Variants in COPA observed in about 807,000 individuals in gnomAD.
The protein encoded by COPA is coat protein complex I subunit alpha.
A neutral mutation model predicts 158.7 loss-of-function variants in COPA; 10 were observed. That is an observed-to-expected ratio of 0.06 (90% confidence interval 0.04 to 0.11). The LOEUF (loss-of-function observed/expected upper bound fraction) is 0.11. COPA is among the 10% of genes least tolerant of loss of function. The pLI, the probability that COPA is intolerant of heterozygous loss-of-function variation, is 1.00. For synonymous variants in COPA, 462 were observed against 542.8 expected, an observed-to-expected ratio of 0.85 and a Z score of 2.07; for missense variants, 1,065 against 1,536.7, an observed-to-expected ratio of 0.69 and a Z score of 5.13.
At chr1:160,305,982 CCT>C (rs1658773866) in intron 15 of COPA, 6 of 597,270 alleles carry the variant, frequency 1.0e-5, no homozygotes, top group Middle Eastern at 4.5e-4. Context: ...TCCTCAACCC[CCT>C]CTCCCTCATT....
At position 160,296,180 on chromosome 1, in the gene COPA, T is replaced by C; in HGVS notation, c.2264-31A>G. ...GAGAAAACAGACTTTGTGGTATAGG[T>C]ACATTTCCAAATGCATGCTGCTGTG... On this transcript the variant is annotated intron_variant, in intron 21 of 32. Transcript: ENST00000241704. 3 of 1,592,560 alleles carry C rather than the reference T, an allele frequency of 1.9e-6. 1 individual carries two copies. The South Asian group carries it at 3.3e-5, about 18-fold the overall frequency.
intron 8 of COPA, among the ~76,000 whole-genome samples, chr1:160,323,141 T>C (rs1052160384): frequency 6.6e-6 from 1 of 151,978 alleles, no homozygotes; most frequent in Non-Finnish European, 1.5e-5. Context: ...CTCACTCACA[T>C]GTGGAAGCTA....
At chr1:160,322,988 T>C (rs1394187407) in intron 8 of COPA, among the ~76,000 whole-genome samples, 1 of 132,866 alleles carries the variant, frequency 7.5e-6, no homozygotes, top group Non-Finnish European at 1.5e-5. Flanking sequence ...TACGCGCACG[T>C]GCACACACAC....
chr1:160,290,605 T>C lies in COPA; in HGVS notation c.3502A>G (p.Ile1168Val), dbSNP rs761622581. 2 of 1,614,130 alleles carry C rather than the reference T, an allele frequency of 1.2e-6. No individual in the cohort carries two copies. The highest frequency in any genetic ancestry group is 2.2e-5 in the East Asian group (1 of 44,892). ...LNYDMHNPFD[I>V]CAASYRPIYR... is the part of the protein sequence containing the mutation. ...ATGGGCCGATATGATGCAGCACAAA[T>C]GTCAAAGGGGTTGTGCATGTCATAA... Residue 1168 changes from isoleucine to valine, a missense_variant, in exon 32 of 33, where the codon ATT (isoleucine) becomes GTT (valine). By Grantham distance (29) the Ile-to-Val change is conservative. Coordinates refer to ENST00000241704, the MANE Select transcript of COPA (RefSeq NM_004371.4).
chr1:160,327,585 C>CG (rs1430296285), intron 6 of COPA, among the ~76,000 whole-genome samples: 2 of 151,234 alleles, frequency 1.3e-5, no homozygotes. Flanking sequence ...AGGCTGGGCA[C>CG]GGTGGCTCAC....
intron 17 of COPA, among the ~76,000 whole-genome samples, chr1:160,303,831 GAT>G (rs1379390518): frequency 6.6e-6 from 1 of 152,080 alleles, no homozygotes; most frequent in Non-Finnish European, 1.5e-5. Context: ...ATATAAAATA[GAT>G]TAAAGATTTG....
intron 1 of COPA, among the ~76,000 whole-genome samples, chr1:160,342,294 G>A (rs1314417257): frequency 1.3e-5 from 2 of 152,066 alleles, no homozygotes; most frequent in African/African-American, 2.4e-5. Context: ...ACTTTGTTAC[G>A]CTGCATCTCA....
intron 11 of COPA, 24 bp from the exon 12 acceptor site, chr1:160,310,282 A>G: frequency 1.3e-6 from 2 of 1,484,198 alleles, no homozygotes; most frequent in Non-Finnish European, 1.9e-6. Context: ...TAGAAAAAGG[A>G]GAAAACAGGG....
rs567339476 is a variant in COPA, at chr1:160,323,605, G to A, written c.607-75C>T. ...AGCAAACCAATGAATCAAGCTACTCGTTGTAAAAAATGTCTCTGATTTATT... is the reference window on the plus strand; with the variant it reads ...AGCAAACCAATGAATCAAGCTACTCATTGTAAAAAATGTCTCTGATTTATT... On this transcript the variant is annotated intron_variant, in intron 7 of 32. Transcript: ENST00000241704. 57 of 1,150,512 alleles carry A rather than the reference G, an allele frequency of 5.0e-5. No individual in the cohort carries two copies. The South Asian group carries it at 5.8e-4, about 12-fold the overall frequency. The allele number at this position is 1,150,512 out of a possible 1,614,324, so 71.3% of individuals were successfully genotyped here.
intron 1 of COPA, among the ~76,000 whole-genome samples, chr1:160,342,609 A>T (rs1311684445): frequency 2.0e-5 from 3 of 152,226 alleles, no homozygotes; most frequent in African/African-American, 7.2e-5. Context: ...TATTGGGGTT[A>T]TAAGCCTCAA....
At chr1:160,343,018 G>A (rs926671319) in intron 1 of COPA, 113 bp downstream of exon 1, 2 of 1,283,214 alleles carry the variant, frequency 1.6e-6, no homozygotes, top group Admixed American at 1.7e-5. Flanking sequence ...GTCTTCCTCC[G>A]GGTCCGTCTG....
At chr1:160,312,678 C>T (rs1353929829) in intron 10 of COPA, among the ~76,000 whole-genome samples, 2 of 152,196 alleles carry the variant, frequency 1.3e-5, no homozygotes, top group East Asian at 3.9e-4. Context: ...TCACCTGTTA[C>T]TCAGTCCCTT....
chr1:160,343,228 T>A lies in COPA; in HGVS notation c.-58A>T. 6.2e-7 allele frequency: 1 copy of A among 1,609,206 alleles called. No homozygotes were observed. The highest frequency in any genetic ancestry group is 8.5e-7 in the Non-Finnish European group (1 of 1,175,520). ...GAGCCCCGACACACCCTGCTGCCCT[T>A]CGGACGCCTCCACGTCAGCGACCCT... is the stretch of plus-strand genomic sequence containing the variant. On this transcript the variant is annotated 5_prime_UTR_variant, in exon 1 of 33. Transcript: ENST00000241704.
chr1:160,292,554 C>A lies in COPA; in HGVS notation c.2890G>T (p.Ala964Ser). The A allele has an allele frequency of 6.2e-7, 1 of 1,613,942 alleles. No homozygotes were observed. ...PYKQLFLQTY[A>S]RGRTTYQALP... is the part of the protein sequence containing the mutation. ...GCCTGATAGGTTGTGCGGCCTCGGG[C>A]GTATGTCTGTAGGAACAGTTGCTTG... Residue 964 changes from alanine to serine, a missense_variant, in exon 28 of 33, where the codon GCC becomes TCC. Ala to Ser is a moderately conservative substitution (Grantham distance 99). Coordinates refer to ENST00000241704, the MANE Select transcript of COPA (RefSeq NM_004371.4).
chr1:160,336,441 C>A (rs563355369), intron 3 of COPA, among the ~76,000 whole-genome samples: 9 of 152,188 alleles, frequency 5.9e-5, no homozygotes, highest in African/African-American at 2.2e-4. Context: ...AACGCCCATA[C>A]ATGTGTGGTC....
At chr1:160,340,071 C>T (rs935539292) in intron 2 of COPA, 89 bp from the exon 3 acceptor site, 14 of 1,518,866 alleles carry the variant, frequency 9.2e-6, no homozygotes, top group Non-Finnish European at 1.3e-5. Flanking sequence ...TCAGTTCTAT[C>T]ATTTCCACAT....
At chr1:160,337,441 C>T (rs1385858945) in intron 3 of COPA, among the ~76,000 whole-genome samples, 4 of 152,262 alleles carry the variant, frequency 2.6e-5, no homozygotes, top group South Asian at 2.1e-4. Flanking sequence ...CCGAATGGGC[C>T]GGGTGCGGTG....
chr1:160,313,221 A>T, intron 9 of COPA, 54 bp from the exon 10 acceptor site: 1 of 1,498,700 alleles, frequency 6.7e-7, no homozygotes, highest in South Asian at 1.1e-5. Flanking sequence ...TCTTCAGCCC[A>T]TCCTACACAA....
At chr1:160,305,667 G>A in intron 16 of COPA, 21 bp downstream of exon 16, 1 of 1,614,018 alleles carries the variant, frequency 6.2e-7, no homozygotes, top group South Asian at 1.1e-5. Flanking sequence ...CTAAATCAGG[G>A]TGGATATAAT....
Sources: gnomAD v4.1 joint callset for allele counts (sites outside exome capture counted in the v4.1 genomes callset) on GRCh38, gnomAD v4.1.1 for gene constraint, MANE v1.5 for transcripts, NCBI Gene and HGNC (gene_info 2026-07-23, HGNC 2026-07-21) for gene names.